The following ZNF556 variants were observed in gnomAD, a reference collection of about 807,000 sequenced individuals.
The protein encoded by ZNF556 is zinc finger protein 556.
A neutral mutation model predicts 13.6 loss-of-function variants in ZNF556; 11 were observed. The observed-to-expected ratio is 0.81, with a 90% CI of 0.51 to 1.33. The LOEUF (loss-of-function observed/expected upper bound fraction) is 1.33, where lower values mean the gene tolerates loss of function less well. ZNF556 is among the 40% of genes most tolerant of loss of function. The pLI, the probability that ZNF556 is intolerant of heterozygous loss-of-function variation, is 0.00. For synonymous variants in ZNF556, 229 were observed against 207.8 expected, an observed-to-expected ratio of 1.10 and a Z score of -0.88; for missense variants, 633 against 566.2, an observed-to-expected ratio of 1.12 and a Z score of -1.20.
rs1184494968 is a variant in ZNF556 at position 2,877,547 on chromosome 19, C to A, written c.589C>A (p.His197Asn). 1 of 1,614,170 alleles carries A rather than the reference C, an allele frequency of 6.2e-7. No individual in the cohort carries two copies. Among genetic ancestry groups the A allele is most frequent in the East Asian group, 2.2e-5 (1 of 44,868 alleles). The stretch of plus-strand genomic sequence containing the variant: ...CTACCTACAGACGCATGAGAAAACT[C>A]ACAGTGGAGAGAAACCCTATGCCTG... ...PSYLQTHEKT[H>N]SGEKPYACQS... The change falls in exon 4 of 4, where the codon CAC (histidine) becomes AAC (asparagine). Residue 197 changes from histidine to asparagine, a missense_variant. Transcript: ENST00000307635.
chr19:2,876,447 C>T lies in ZNF556; in HGVS notation c.314+171C>T, dbSNP rs573761893. 9.3e-5 allele frequency among the ~76,000 whole-genome samples: 14 copies of T among 151,126 alleles called. No individual in the cohort carries two copies. The East Asian group carries it at 9.7e-4, about 10-fold the overall frequency. On this transcript the variant is annotated intron_variant, in intron 3 of 3. Transcript: ENST00000307635. ...TCTACTAAAAATACAAAAATGGGCG[C>T]GGTGGCTCACACCTGTAATCCCAGC...
In ZNF556 at chr19:2,883,279, T is replaced by C. The variant is rs2144900707; in HGVS notation, c.*4950T>C. The C allele has an allele frequency of 6.6e-6, 1 of 152,322 alleles. No individual in the cohort carries two copies. Among genetic ancestry groups the C allele is most frequent in the South Asian group, 2.1e-4 (1 of 4,830 alleles). 9.4% of individuals were successfully genotyped at this position (152,322 alleles called of 1,614,324 possible). A position where few individuals can be genotyped will look rare whatever the true frequency, so the allele number is the denominator to read the frequency against. On this transcript the variant is annotated 3_prime_UTR_variant, in exon 4 of 4. Transcript: ENST00000307635. ...TCATCCTTTAATTAATTTTTATTTT[T>C]TTAATTAAAAAATAATTTTTAAGTG...
chr19:2,875,812 A>C (rs2087846462), intron 2 of ZNF556, among the ~76,000 whole-genome samples: 1 of 151,858 alleles, frequency 6.6e-6, no homozygotes, highest in South Asian at 2.1e-4. Context: ...AAAATAAAAA[A>C]AATTAGCTGG....
At chr19:2,871,314 C>A (rs2087801032) in intron 1 of ZNF556, among the ~76,000 whole-genome samples, 2 of 152,090 alleles carry the variant, frequency 1.3e-5, no homozygotes, top group Admixed American at 6.6e-5. Context: ...AAGATGAATA[C>A]CGGATGATCT....
At position 2,875,879 on chromosome 19, in the gene ZNF556, G is replaced by A. The variant is rs377761769; in HGVS notation, c.131-214G>A. ...CTTGGGAGGCTGAGACAGGAGAATC[G>A]CTTGAACCCGGGAGGCAGAGTTTGC... is the stretch of plus-strand genomic sequence containing the variant. On this transcript the variant is annotated intron_variant, in intron 2 of 3. Coordinates refer to ENST00000307635, the MANE Select transcript of ZNF556 (RefSeq NM_024967.3). 2.2e-4 allele frequency among the ~76,000 whole-genome samples: 34 copies of A among 152,118 alleles called. No homozygotes were observed. The East Asian group carries it at 4.1e-3, about 18-fold the overall frequency.
rs145866488 is a variant in ZNF556 at position 2,874,120 on chromosome 19, G to A, written c.130+498G>A. Among the ~76,000 whole-genome samples, 1,260 of 152,194 alleles carry A rather than the reference G, an allele frequency of 8.3e-3. 23 individuals are homozygous for A. Among genetic ancestry groups the A allele is most frequent in the African/African-American group, 0.029 (1,200 of 41,524 alleles). On this transcript the variant is annotated intron_variant, in intron 2 of 3. Coordinates refer to ENST00000307635, the MANE Select transcript of ZNF556 (RefSeq NM_024967.3). ...AAAATACAAAAAATTAGCTGGGCATGGTGGTGCGTGCCTGTAATCCCAGCT... is the reference window on the plus strand; with the variant it reads ...AAAATACAAAAAATTAGCTGGGCATAGTGGTGCGTGCCTGTAATCCCAGCT...
rs1036531564 is a variant in ZNF556, at chr19:2,880,264, T to G, written c.*1935T>G. 1 of 152,184 alleles carries G rather than the reference T, an allele frequency of 6.6e-6. No individual in the cohort carries two copies. Among genetic ancestry groups the G allele is most frequent in the Non-Finnish European group, 1.5e-5 (1 of 68,024 alleles). The allele number at this position is 152,184 out of a possible 1,614,324, so 9.4% of individuals were successfully genotyped here. ...GATTATGTATTATTAAAACAAAAGT[T>G]TCTGTTTCTGAGAAATATCTATTTA... On this transcript the variant is annotated 3_prime_UTR_variant, in exon 4 of 4. Coordinates refer to ENST00000307635, the MANE Select transcript of ZNF556 (RefSeq NM_024967.3).
At chr19:2,873,790 C>CAA (rs373285544) in intron 2 of ZNF556, among the ~76,000 whole-genome samples, 168 bp downstream of exon 2, 1,899 of 147,880 alleles carry the variant, frequency 0.013, 17 homozygotes, top group Middle Eastern at 0.017. Flanking sequence ...CTTGTCTCTA[C>CAA]AAAAAAAAAA....
intron 3 of ZNF556, among the ~76,000 whole-genome samples, chr19:2,877,026 A>C (rs563077594): frequency 3.7e-4 from 57 of 152,048 alleles, no homozygotes; most frequent in Non-Finnish European, 7.1e-4. Context: ...CAGCCTGACC[A>C]ATATGGTGAA....
In ZNF556 at chr19:2,880,041, A is replaced by G. The variant is rs2087893133; in HGVS notation, c.*1712A>G. On this transcript the variant is annotated 3_prime_UTR_variant, in exon 4 of 4. Transcript: ENST00000307635. ...CGAGACTCTGTCTCAAAAATAAATA[A>G]ATAAAGAATAATTTTTTAAAAAAGC... The G allele has an allele frequency of 6.6e-6, 1 of 151,844 alleles. No individual in the cohort carries two copies. Among genetic ancestry groups the G allele is most frequent in the Admixed American group, 6.6e-5 (1 of 15,230 alleles). 9.4% of individuals were successfully genotyped at this position (151,844 alleles called of 1,614,324 possible).
At chr19:2,876,029 A>C in intron 2 of ZNF556, 64 bp from the exon 3 acceptor site, 1 of 1,357,342 alleles carries the variant, frequency 7.4e-7, no homozygotes, top group South Asian at 1.3e-5. Context: ...ACAATTAAAC[A>C]CCTGAATTAC....
intron 1 of ZNF556, among the ~76,000 whole-genome samples, 153 bp from the exon 2 acceptor site, chr19:2,873,343 T>C (rs1411200744): frequency 6.6e-6 from 1 of 152,200 alleles, no homozygotes; most frequent in East Asian, 1.9e-4. Context: ...CAGGAAGTGA[T>C]TACAGACAGA....
chr19:2,871,560 T>C (rs1254144222), intron 1 of ZNF556, among the ~76,000 whole-genome samples: 1 of 152,182 alleles, frequency 6.6e-6, no homozygotes, highest in East Asian at 1.9e-4. Flanking sequence ...ACGCCTGTAA[T>C]CCCAGCACTT....
rs2087871770 is a variant in ZNF556, at chr19:2,877,913, A to G, written c.955A>G (p.Lys319Glu). Residue 319 changes from lysine to glutamate, a missense_variant, in exon 4 of 4, where the codon AAA (lysine) becomes GAA (glutamate). Physicochemically the swap from Lys to Glu is moderately conservative, Grantham distance 56 (BLOSUM62 1). Coordinates refer to ENST00000307635, the MANE Select transcript of ZNF556 (RefSeq NM_024967.3). ...CGGGGAGAAACCCTATAAGTGTGGAAAATGCGGGAAAGCATTCGGTTGGCC... is the reference window on the plus strand; with the variant it reads ...CGGGGAGAAACCCTATAAGTGTGGAGAATGCGGGAAAGCATTCGGTTGGCC... Reference protein sequence around the residue: ...HNGEKPYKCGKCGKAFGWPSS... With the variant: ...HNGEKPYKCGECGKAFGWPSS... 6.2e-7 allele frequency: 1 copy of G among 1,614,212 alleles called. No individual in the cohort carries two copies. Among genetic ancestry groups the G allele is most frequent in the Non-Finnish European group, 8.5e-7 (1 of 1,180,044 alleles).
At chr19:2,873,872 G>T (rs545687039) in intron 2 of ZNF556, among the ~76,000 whole-genome samples, 1 of 151,866 alleles carries the variant, frequency 6.6e-6, no homozygotes, top group Non-Finnish European at 1.5e-5. Flanking sequence ...CAGGAGAATC[G>T]CTTGAGACCA....
chr19:2,878,763 G>T lies in ZNF556; in HGVS notation c.*434G>T, dbSNP rs1421602216. 1 of 154,992 alleles carries T rather than the reference G, an allele frequency of 6.5e-6. No homozygotes were observed. Among genetic ancestry groups the T allele is most frequent in the East Asian group, 1.9e-4 (1 of 5,258 alleles). The allele number at this position is 154,992 out of a possible 1,614,324, so 9.6% of individuals were successfully genotyped here. On this transcript the variant is annotated 3_prime_UTR_variant, in exon 4 of 4. Transcript: ENST00000307635. ...TTATCAGGACCACATCCTAAAAGTGGGCCTCTAGCAAATGAATTTGCAGTT... is the reference window on the plus strand; with the variant it reads ...TTATCAGGACCACATCCTAAAAGTGTGCCTCTAGCAAATGAATTTGCAGTT...
chr19:2,872,227 T>C (rs1485093943), intron 1 of ZNF556, among the ~76,000 whole-genome samples: 4 of 150,178 alleles, frequency 2.7e-5, no homozygotes, highest in South Asian at 4.5e-4. Context: ...TTCTCTAAAC[T>C]CCCCCGGGGG....
At chr19:2,877,215 A>T (rs770590605) in intron 3 of ZNF556, 58 bp from the exon 4 acceptor site, 21 of 684,232 alleles carry the variant, frequency 3.1e-5, no homozygotes, top group Non-Finnish European at 3.9e-5. Context: ...CATCTCAAGG[A>T]AAAAAAAAAA....
Position 2,871,166 on chromosome 19 carries a change from GA to G in ZNF556, c.4-2320del, listed in dbSNP as rs59136663. ...GCGACAGAGTGAGATGCCGTCTCAA[GA>G]AAAAAAAAAGTATATGACATACACA... On this transcript the variant is annotated intron_variant, in intron 1 of 3. Transcript: ENST00000307635. Among the ~76,000 whole-genome samples, 13 of 148,486 alleles carry G rather than the reference GA, an allele frequency of 8.8e-5. 1 individual carries two copies. The highest frequency in any genetic ancestry group is 6.4e-4 in the South Asian group (3 of 4,680).
Sources: gnomAD v4.1 joint callset for allele counts (sites outside exome capture counted in the v4.1 genomes callset) on GRCh38, gnomAD v4.1.1 for gene constraint, MANE v1.5 for transcripts, NCBI Gene and HGNC (gene_info 2026-07-23, HGNC 2026-07-21) for gene names.